The following GSE1 variants were observed in gnomAD, a reference collection of about 807,000 sequenced individuals.
The protein encoded by GSE1 is genetic suppressor element 1.
GSE1 carries 32 observed loss-of-function variants against 112.6 expected under a neutral mutation model. That is an observed-to-expected ratio of 0.28 (90% CI 0.21 to 0.38). The LOEUF is 0.38. GSE1 is among the 10% of genes least tolerant of loss of function. The pLI, the probability that GSE1 is intolerant of heterozygous loss-of-function variation, is 1.00. For missense variants in GSE1, 2,348 were observed against 1,699.2 expected (o/e 1.38, Z -6.71); for synonymous variants, 1,115 against 735.6 (o/e 1.52, Z -8.35).
At chr16:85,485,681 C>T (rs547178747) in intron 2 of GSE1, among the ~76,000 whole-genome samples, 16 of 152,242 alleles carry the variant, frequency 1.1e-4, no homozygotes, top group African/African-American at 3.1e-4. Flanking sequence ...TTGTCACTCG[C>T]GAGGTGGGCG....
At chr16:85,528,704 G>A (rs968894198) in intron 2 of GSE1, among the ~76,000 whole-genome samples, 1 of 151,912 alleles carries the variant, frequency 6.6e-6, no homozygotes, top group African/African-American at 2.4e-5. Flanking sequence ...GTCAGGAAGG[G>A]CCTTCTGATA....
intron 2 of GSE1, among the ~76,000 whole-genome samples, chr16:85,384,785 G>A (rs906156702): frequency 7.2e-5 from 11 of 151,910 alleles, no homozygotes; most frequent in African/African-American, 2.4e-4. Flanking sequence ...GAGGCGTGGA[G>A]GACTGGAAAC....
chr16:85,311,709 G>A lies in GSE1; in HGVS notation c.2284-45754G>A, dbSNP rs1597366961. Among the ~76,000 whole-genome samples the A allele has an allele frequency of 1.3e-5, 2 of 152,116 alleles. No individual in the cohort carries two copies. Among genetic ancestry groups the A allele is most frequent in the South Asian group, 4.1e-4 (2 of 4,824 alleles). On this transcript the variant is annotated intron_variant, in intron 1 of 2. Transcript: ENST00000637419. The surrounding 1 kb of genome is among the most constrained non-coding windows in gnomAD (Gnocchi z 4.2). ...TTGGGGCCCTGGATACCTCCTGCCT[G>A]CTTCATTTCCCAGATGTCTTAGGAC...
rs147944227 is a variant in GSE1 at position 85,672,447 on chromosome 16, C to A, written c.3562C>A (p.Arg1188=). Residue 1188 remains arginine (R), a synonymous_variant, in exon 16 of 16, where the codon CGG becomes AGG. Transcript: ENST00000253458. ...QKQKMVSERE[R]LQAELDHLRK... is the part of the protein sequence containing the mutation. ...ACAGAAGATGGTCTCAGAAAGGGAG[C>A]GGCTCCAGGCAGAACTGGACCACTT... The A allele has an allele frequency of 7.5e-6, 12 of 1,607,930 alleles. No individual in the cohort carries two copies. The African/African-American group carries it at 1.6e-4, about 22-fold the overall frequency.
At chr16:85,192,496 C>A (rs2143459462) in intron 1 of GSE1, among the ~76,000 whole-genome samples, 1 of 152,324 alleles carries the variant, frequency 6.6e-6, no homozygotes, top group Non-Finnish European at 1.5e-5. Flanking sequence ...ATATGGCCGC[C>A]CGTTGCTGGG....
rs559085389 is a variant in GSE1, at chr16:85,305,946, C to T, written c.2284-51517C>T. Reference sequence around the variant, plus strand: ...CTCTACTAAAAATACAAAAATTAGCCGGATGGTAGTGGTGCGTGCCTGTAA... The same window carrying T: ...CTCTACTAAAAATACAAAAATTAGCTGGATGGTAGTGGTGCGTGCCTGTAA... On this transcript the variant is annotated intron_variant, in intron 1 of 2. Transcript: ENST00000637419. Among the ~76,000 whole-genome samples, 30 of 152,050 alleles carry T rather than the reference C, an allele frequency of 2.0e-4. 1 individual carries two copies. The South Asian group carries it at 4.0e-3, about 20-fold the overall frequency.
intron 2 of GSE1, among the ~76,000 whole-genome samples, chr16:85,382,098 C>G (rs2047559764): frequency 6.6e-6 from 1 of 152,214 alleles, no homozygotes; most frequent in Non-Finnish European, 1.5e-5. Context: ...CCGCTGTGAT[C>G]AATCTTGCGG....
intron 1 of GSE1, among the ~76,000 whole-genome samples, chr16:85,228,837 A>G (rs1399757957): frequency 1.3e-5 from 2 of 152,180 alleles, no homozygotes; most frequent in Non-Finnish European, 2.9e-5. Context: ...ATTTGAGGCC[A>G]CCTTCTGCCT....
At chr16:85,447,129 G>T (rs2151794668) in intron 2 of GSE1, among the ~76,000 whole-genome samples, 1 of 152,302 alleles carries the variant, frequency 6.6e-6, no homozygotes, top group South Asian at 2.1e-4. Context: ...GGGCCTCCGT[G>T]TCATGGGCCC....
chr16:85,344,812 A>G (rs1237911896), intron 1 of GSE1, among the ~76,000 whole-genome samples: 2 of 152,188 alleles, frequency 1.3e-5, no homozygotes, highest in African/African-American at 4.8e-5. Context: ...CAGGCTGGAG[A>G]GAGAAGGGAG....
intron 1 of GSE1, among the ~76,000 whole-genome samples, chr16:85,220,055 G>A (rs2143737726): frequency 6.6e-6 from 1 of 152,350 alleles, no homozygotes; most frequent in African/African-American, 2.4e-5. Flanking sequence ...GGTGGCCTGT[G>A]TGTTCTTACA....
At chr16:85,528,653 GTT>G (rs980699574) in intron 2 of GSE1, among the ~76,000 whole-genome samples, 3 of 148,200 alleles carry the variant, frequency 2.0e-5, no homozygotes, top group Non-Finnish European at 4.4e-5. Context: ...GTTTTGTTTT[GTT>G]TTGTTTTGTT....
At chr16:85,523,372 C>T (rs995985719) in intron 2 of GSE1, among the ~76,000 whole-genome samples, 2 of 152,330 alleles carry the variant, frequency 1.3e-5, no homozygotes, top group Admixed American at 1.3e-4. Flanking sequence ...AGCTCCCTCT[C>T]CCACTTTCGT....
chr16:85,572,500 TACCACACAC>T (rs999718322), intron 1 of GSE1, among the ~76,000 whole-genome samples: 2 of 140,478 alleles, frequency 1.4e-5, no homozygotes, highest in Admixed American at 7.0e-5. Context: ...CACAACCACA[TACCACACAC>T]ACCACACACA....
chr16:85,569,871 G>A (rs1003779969), intron 1 of GSE1, among the ~76,000 whole-genome samples: 2 of 152,196 alleles, frequency 1.3e-5, no homozygotes, highest in Non-Finnish European at 2.9e-5. Flanking sequence ...AGACCCATTT[G>A]TAATACAAGC....
chr16:85,329,078 C>G (rs2046285846), intron 1 of GSE1, among the ~76,000 whole-genome samples: 1 of 152,096 alleles, frequency 6.6e-6, no homozygotes, highest in South Asian at 2.1e-4. Context: ...CCCCAGTGTT[C>G]TAACACTTGA....
At chr16:85,411,006 A>T (rs1371721442) in intron 2 of GSE1, among the ~76,000 whole-genome samples, 11 of 66,068 alleles carry the variant, frequency 1.7e-4, no homozygotes, top group Admixed American at 3.6e-4. Context: ...TCACTGTTAC[A>T]CTCAGAGCCC....
intron 1 of GSE1, among the ~76,000 whole-genome samples, chr16:85,178,019 C>T (rs2074503457): frequency 6.6e-6 from 1 of 152,216 alleles, no homozygotes; most frequent in African/African-American, 2.4e-5. Flanking sequence ...GCATGTGGCG[C>T]TCTGGGCACC....
At chr16:85,358,483 G>A (rs999758667) in intron 2 of GSE1, among the ~76,000 whole-genome samples, 4 of 147,878 alleles carry the variant, frequency 2.7e-5, no homozygotes, top group South Asian at 4.6e-4. Context: ...AGCCCAGCCC[G>A]CCCCTGGTGC....
Sources: allele counts gnomAD v4.1 joint callset (sites outside exome capture counted in the v4.1 genomes callset), GRCh38; gene constraint gnomAD v4.1.1; non-coding constraint Gnocchi (gnomAD v3.1); transcripts MANE v1.5; gene names NCBI Gene and HGNC (gene_info 2026-07-23, HGNC 2026-07-21).